Variants in ZUP1 observed in about 807,000 individuals in gnomAD.
ZUP1 encodes zinc finger-containing ubiquitin peptidase 1.
ZUP1 carries 55 observed loss-of-function variants against 68.1 expected under a neutral mutation model. The ratio of observed to expected loss-of-function variants is 0.81; its 90% CI spans 0.65 to 1.01. The LOEUF (loss-of-function observed/expected upper bound fraction) is 1.01, where lower values mean the gene tolerates loss of function less well. Ranked by LOEUF, ZUP1 falls within the 50% of genes least tolerant of loss-of-function variation. The pLI, the probability that ZUP1 is intolerant of heterozygous loss-of-function variation, is 0.00. For missense variants in ZUP1, 684 were observed against 674.9 expected (o/e 1.01, Z -0.15); for synonymous variants, 223 against 221.5 (o/e 1.01, Z -0.06).
chr6:116,656,353 G>A (rs536143262), intron 5 of ZUP1, among the ~76,000 whole-genome samples: 2 of 151,372 alleles, frequency 1.3e-5, no homozygotes, highest in South Asian at 4.2e-4. Flanking sequence ...CAAAGTGCTG[G>A]GATTACAGGC....
intron 9 of ZUP1, among the ~76,000 whole-genome samples, chr6:116,644,154 A>G (rs1020787979): frequency 3.3e-5 from 5 of 152,230 alleles, no homozygotes; most frequent in African/African-American, 4.8e-5. Flanking sequence ...ATCTCACACC[A>G]GTTAGAATGT....
intron 9 of ZUP1, among the ~76,000 whole-genome samples, chr6:116,643,874 G>A (rs562527282): frequency 7.2e-5 from 11 of 152,202 alleles, no homozygotes; most frequent in East Asian, 3.9e-4. Context: ...TGCACAGCAA[G>A]AGAAACTACC....
Position 116,651,751 on chromosome 6 carries a change from A to C in ZUP1, c.1151-14T>G. On this transcript the variant is annotated splice_polypyrimidine_tract_variant and intron_variant, in intron 6 of 9. Transcript: ENST00000368576. ...GAATCAACATACCTAAAATTACACA[A>C]GCAAACATGTTACATGACTGTTAAT... 1 of 1,612,478 alleles carries C rather than the reference A, an allele frequency of 6.2e-7. No individual in the cohort carries two copies. Among genetic ancestry groups the C allele is most frequent in the Non-Finnish European group, 8.5e-7 (1 of 1,179,456 alleles).
rs1368817758 is a variant in ZUP1, at chr6:116,658,870, T to C, written c.725A>G (p.Gln242Arg). 3.1e-6 allele frequency: 5 copies of C among 1,612,188 alleles called. No homozygotes were observed. Among genetic ancestry groups the C allele is most frequent in the Non-Finnish European group, 4.2e-6 (5 of 1,179,366 alleles). ...GDLQLAHQLQ[Q>R]EEDRKRRSEE... ...AGATCTCCTCTTTCTGTCTTCTTCT[T>C]GCTGAAGCTGGTGAGCCAATTGTAG... Residue 242 changes from glutamine to arginine, a missense_variant, in exon 4 of 10, where the codon CAA becomes CGA. Transcript: ENST00000368576.
chr6:116,662,774 G>T (rs1776884041), intron 2 of ZUP1, among the ~76,000 whole-genome samples: 1 of 152,138 alleles, frequency 6.6e-6, no homozygotes, highest in Admixed American at 6.5e-5. Context: ...CAGGGCCCTA[G>T]AAGTAGAAGA....
chr6:116,658,904 A>G lies in ZUP1; in HGVS notation c.691T>C (p.Ser231Pro), dbSNP rs772627209. 1 of 1,611,452 alleles carries G rather than the reference A, an allele frequency of 6.2e-7. No individual in the cohort carries two copies. Among genetic ancestry groups the G allele is most frequent in the East Asian group, 2.2e-5 (1 of 44,772 alleles). The change falls in exon 4 of 10, where the codon TCT (serine) becomes CCT (proline). Residue 231 changes from serine (S) to proline (P), a missense_variant. Physicochemically the swap from Ser to Pro is moderately conservative, Grantham distance 74. Coordinates refer to ENST00000368576, the MANE Select transcript of ZUP1 (RefSeq NM_145062.3). ...FQQGMDRVQC[S>P]GDLQLAHQLQ... ...TGGTGAGCCAATTGTAGATCACCAG[A>G]ACACTGGACTCTATCCATGCCTGTT...
Position 116,635,875 on chromosome 6 carries a change from C to T in ZUP1, c.1694G>A (p.Arg565Lys). 2 of 1,586,108 alleles carry T rather than the reference C, an allele frequency of 1.3e-6. No individual in the cohort carries two copies. The highest frequency in any genetic ancestry group is 1.7e-4 in the Middle Eastern group (1 of 5,936). Residue 565 changes from arginine (R) to lysine (K), a missense_variant, in exon 10 of 10, where the codon AGG becomes AAG. Coordinates refer to ENST00000368576, the MANE Select transcript of ZUP1 (RefSeq NM_145062.3). The part of the protein sequence containing the change: ...GALSLEEKLA[R>K]RQASQVFTAE... ...TGTAAAGACTTGAGAAGCTTGTCTC[C>T]TGGCCTTGAAAAGAAATTTTAAAAA...
intron 9 of ZUP1, among the ~76,000 whole-genome samples, chr6:116,642,623 C>A (rs1221143928): frequency 5.9e-5 from 9 of 151,810 alleles, no homozygotes; most frequent in African/African-American, 1.5e-4. Context: ...AAGGCCTTTG[C>A]CAAAATTCAA....
At chr6:116,656,929 A>C in intron 4 of ZUP1, 77 bp from the exon 5 acceptor site, 1 of 1,008,814 alleles carries the variant, frequency 9.9e-7, no homozygotes, top group Non-Finnish European at 1.4e-6. Context: ...TTAAAATTTT[A>C]TTTGGAAACA....
At chr6:116,642,975 C>T (rs192448790) in intron 9 of ZUP1, among the ~76,000 whole-genome samples, 438 of 152,302 alleles carry the variant, frequency 2.9e-3, no homozygotes, top group African/African-American at 9.8e-3. Context: ...AGTTGATAAG[C>T]AACTTCAGCA....
At chr6:116,661,597 G>A (rs1776843532) in intron 2 of ZUP1, among the ~76,000 whole-genome samples, 1 of 152,190 alleles carries the variant, frequency 6.6e-6, no homozygotes, top group East Asian at 1.9e-4. Context: ...ACTGCAGGCA[G>A]ACAGGTCTAG....
chr6:116,656,200 C>T (rs1645931307), intron 5 of ZUP1, among the ~76,000 whole-genome samples: 1 of 152,160 alleles, frequency 6.6e-6, no homozygotes, highest in Admixed American at 6.5e-5. Flanking sequence ...CTGCCTCAGC[C>T]TCCCTAGTAG....
intron 7 of ZUP1, among the ~76,000 whole-genome samples, chr6:116,648,746 G>A (rs1776390792): frequency 6.6e-6 from 1 of 151,962 alleles, no homozygotes; most frequent in Non-Finnish European, 1.5e-5. Flanking sequence ...TGGATCGCTT[G>A]AGCCTAGGAG....
At chr6:116,660,649 T>C in intron 3 of ZUP1, 87 bp downstream of exon 3, 1 of 664,968 alleles carries the variant, frequency 1.5e-6, no homozygotes, top group Non-Finnish European at 2.4e-6. Flanking sequence ...TAAAATATTT[T>C]TTCCATATCA....
chr6:116,658,115 C>G (rs1243830780), intron 4 of ZUP1, among the ~76,000 whole-genome samples: 1 of 151,966 alleles, frequency 6.6e-6, no homozygotes, highest in Non-Finnish European at 1.5e-5. Context: ...CAAACAACAA[C>G]AACAAAATCT....
chr6:116,642,920 T>C (rs1245359636), intron 9 of ZUP1, among the ~76,000 whole-genome samples: 5 of 152,204 alleles, frequency 3.3e-5, no homozygotes, highest in Non-Finnish European at 7.3e-5. Context: ...GATGACATGA[T>C]TGTACATCTA....
At chr6:116,646,557 C>A (rs1172486476) in intron 8 of ZUP1, among the ~76,000 whole-genome samples, 1 of 152,100 alleles carries the variant, frequency 6.6e-6, no homozygotes, top group African/African-American at 2.4e-5. Flanking sequence ...GAAGAAAATG[C>A]CAGCGGTGGG....
intron 3 of ZUP1, 85 bp downstream of exon 3, chr6:116,660,651 T>G: frequency 3.0e-6 from 2 of 671,522 alleles, no homozygotes. Context: ...AAATATTTTT[T>G]CCATATCACA....
chr6:116,643,403 A>T (rs984375155), intron 9 of ZUP1, among the ~76,000 whole-genome samples: 2 of 152,198 alleles, frequency 1.3e-5, no homozygotes, highest in African/African-American at 4.8e-5. Flanking sequence ...CAAAAGAACA[A>T]ATCTGGAGGC....
Sources: allele counts gnomAD v4.1 joint callset (sites outside exome capture counted in the v4.1 genomes callset), GRCh38; gene constraint gnomAD v4.1.1; transcripts MANE v1.5; gene names NCBI Gene and HGNC (gene_info 2026-07-23, HGNC 2026-07-21).